Variants in DPP6 observed in about 807,000 individuals in gnomAD.
DPP6 encodes A-type potassium channel modulatory protein DPP6.
In DPP6, 69 loss-of-function variants were observed where a neutral mutation model predicts 122.6. That is an observed-to-expected ratio of 0.56 (90% CI 0.46 to 0.69). DPP6 has a LOEUF of 0.69. Ranked by LOEUF, DPP6 falls within the 30% of genes least tolerant of loss-of-function variation. DPP6 has a pLI of 0.00. For missense variants in DPP6, 928 were observed against 1,116.9 expected (o/e 0.83, Z 2.41); for synonymous variants, 418 against 433.1 (o/e 0.97, Z 0.43).
At chr7:154,013,063 G>A (rs913880850) in intron 1 of DPP6, among the ~76,000 whole-genome samples, 1 of 152,132 alleles carries the variant, frequency 6.6e-6, no homozygotes, top group South Asian at 2.1e-4. Flanking sequence ...CCACATTAAG[G>A]CCACTGCTCT....
chr7:153,884,278 G>C (rs1191675743), upstream of DPP6, among the ~76,000 whole-genome samples: 1 of 152,084 alleles, frequency 6.6e-6, no homozygotes, highest in African/African-American at 2.4e-5. Flanking sequence ...TTTTGTCCTC[G>C]CAATAGTTTG....
At chr7:153,882,879 T>C (rs986899437), upstream of DPP6, among the ~76,000 whole-genome samples, 1 of 152,216 alleles carries the variant, frequency 6.6e-6, no homozygotes, top group Admixed American at 6.5e-5. Context: ...ATTTAGGTGC[T>C]GTGAAACACG....
chr7:153,983,432 G>A (rs973564995), intron 1 of DPP6, among the ~76,000 whole-genome samples: 12 of 152,222 alleles, frequency 7.9e-5, no homozygotes, highest in Admixed American at 2.6e-4. Flanking sequence ...AACTTCAGAC[G>A]GCTGTGCTGG....
intron 7 of DPP6, among the ~76,000 whole-genome samples, chr7:154,677,662 C>A (rs1041666666): frequency 6.6e-6 from 1 of 152,140 alleles, no homozygotes; most frequent in Non-Finnish European, 1.5e-5. Flanking sequence ...GGGAGGAGCG[C>A]GTGGGGAGAA....
intron 10 of DPP6, among the ~76,000 whole-genome samples, chr7:154,786,749 T>A (rs1797362130): frequency 2.0e-5 from 3 of 152,224 alleles, no homozygotes; most frequent in African/African-American, 7.2e-5. Context: ...ACCTTTTTTC[T>A]TTCCAAAAGC....
At chr7:154,056,100 G>C (rs1365148063) in intron 1 of DPP6, among the ~76,000 whole-genome samples, 8 of 152,194 alleles carry the variant, frequency 5.3e-5, no homozygotes, top group Non-Finnish European at 1.2e-4. Context: ...AATTAATAAT[G>C]CATGGTCTAA....
intron 1 of DPP6, among the ~76,000 whole-genome samples, chr7:154,434,764 A>G (rs538016803): frequency 7.9e-5 from 12 of 152,194 alleles, no homozygotes; most frequent in Admixed American, 3.3e-4. Flanking sequence ...ATACTCAGAC[A>G]TTTCTTGTTT....
At chr7:154,787,826 T>A (rs1797429986) in intron 10 of DPP6, among the ~76,000 whole-genome samples, 1 of 152,208 alleles carries the variant, frequency 6.6e-6, no homozygotes, top group Non-Finnish European at 1.5e-5. Flanking sequence ...TACCATGTCT[T>A]TTCTCTTATT....
chr7:153,856,958 T>G, the DPP6 span, among the ~76,000 whole-genome samples: 1 of 152,160 alleles, frequency 6.6e-6, no homozygotes, highest in African/African-American at 2.4e-5. Context: ...TCACTGAAAA[T>G]GCCAGAATGT....
intron 6 of DPP6, among the ~76,000 whole-genome samples, chr7:154,643,814 A>G (rs1262647849): frequency 6.6e-6 from 1 of 152,196 alleles, no homozygotes; most frequent in Non-Finnish European, 1.5e-5. Flanking sequence ...TCACCATCAT[A>G]AACAGTCTCA....
intron 3 of DPP6, among the ~76,000 whole-genome samples, chr7:154,489,580 T>G (rs1375773972): frequency 1.3e-5 from 2 of 152,052 alleles, no homozygotes; most frequent in Admixed American, 6.6e-5. Context: ...CCAAAATAAG[T>G]GCCAACCTCA....
chr7:154,701,109 A>G (rs1000189644), intron 7 of DPP6, among the ~76,000 whole-genome samples: 7 of 152,142 alleles, frequency 4.6e-5, no homozygotes, highest in South Asian at 2.1e-4. Context: ...CCCATTTCCT[A>G]TGATCCTCCA....
At chr7:153,913,026 A>G (rs1366157299) in intron 1 of DPP6, among the ~76,000 whole-genome samples, 1 of 152,152 alleles carries the variant, frequency 6.6e-6, no homozygotes, top group Non-Finnish European at 1.5e-5. Context: ...CTCCAGTAGT[A>G]ACTGTGTGTA....
chr7:154,239,993 A>T (rs1230621072), intron 1 of DPP6, among the ~76,000 whole-genome samples: 6 of 1,378 alleles, frequency 4.4e-3, no homozygotes, highest in Admixed American at 0.01. Flanking sequence ...TGCTGTCTTT[A>T]AAAAAAAAAA....
the DPP6 span, among the ~76,000 whole-genome samples, chr7:153,758,523 T>C: frequency 6.6e-6 from 1 of 152,164 alleles, no homozygotes; most frequent in Non-Finnish European, 1.5e-5. Context: ...CCCTAACAAT[T>C]CCACTACCTT....
intron 2 of DPP6, among the ~76,000 whole-genome samples, chr7:154,449,920 A>C (rs1820211326): frequency 6.6e-6 from 1 of 152,058 alleles, no homozygotes; most frequent in Non-Finnish European, 1.5e-5. Flanking sequence ...AGGCAGGAGA[A>C]TCACTTGAAC....
At chr7:153,979,945 G>T (rs2907045) in intron 1 of DPP6, among the ~76,000 whole-genome samples, 8 of 152,206 alleles carry the variant, frequency 5.3e-5, no homozygotes, top group East Asian at 1.9e-4. Flanking sequence ...TATTCAGTTT[G>T]CCAGTATTTT....
At chr7:153,911,186 T>TTA (rs1800077521) in intron 1 of DPP6, among the ~76,000 whole-genome samples, 1 of 152,156 alleles carries the variant, frequency 6.6e-6, no homozygotes, top group Non-Finnish European at 1.5e-5. Context: ...TCCCAGCTCC[T>TTA]TTGCACCTGC....
chr7:153,929,202 T>C (rs761523787), intron 1 of DPP6, among the ~76,000 whole-genome samples: 4 of 152,112 alleles, frequency 2.6e-5, no homozygotes, highest in Non-Finnish European at 5.9e-5. Flanking sequence ...GTTTCTCTAA[T>C]TCAGCCAACA....
Sources: gnomAD v4.1 joint callset for allele counts (sites outside exome capture counted in the v4.1 genomes callset) on GRCh38, gnomAD v4.1.1 for gene constraint, MANE v1.5 for transcripts, NCBI Gene and HGNC (gene_info 2026-07-23, HGNC 2026-07-21) for gene names.